The following PWP1 variants were observed in gnomAD, a reference collection of about 807,000 sequenced individuals.
The protein encoded by PWP1 is periodic tryptophan protein 1 homolog.
PWP1 carries 47 observed loss-of-function variants against 69.9 expected under a neutral mutation model. The observed-to-expected ratio is 0.67, with a 90% confidence interval of 0.53 to 0.86. The LOEUF is 0.86. PWP1 is among the 40% of genes least tolerant of loss of function. The pLI is 0.00. For missense variants in PWP1, 551 were observed against 608.8 expected, an observed-to-expected ratio of 0.91 and a Z score of 1.00; for synonymous variants, 222 against 208.2, an observed-to-expected ratio of 1.07 and a Z score of -0.57.
Position 107,712,285 on chromosome 12 carries a change from C to A in PWP1, c.*65C>A. ...TTTAAAAAGTTGGCCTAAAAATGTT[C>A]CATGCGTGGCAGCAACCATGCAGAG... is the stretch of plus-strand genomic sequence containing the variant. On this transcript the variant is annotated 3_prime_UTR_variant, in exon 15 of 15. Coordinates refer to ENST00000412830, the MANE Select transcript of PWP1 (RefSeq NM_007062.3). 8.1e-7 allele frequency: 1 copy of A among 1,228,158 alleles called. No homozygotes were observed. Among genetic ancestry groups the A allele is most frequent in the Non-Finnish European group, 1.2e-6 (1 of 834,326 alleles). 76.1% of individuals were successfully genotyped at this position (1,228,158 alleles called of 1,614,324 possible).
chr12:107,696,266 C>G lies in PWP1; in HGVS notation c.503-208C>G, dbSNP rs556567319. Among the ~76,000 whole-genome samples, 5 of 152,208 alleles carry G rather than the reference C, an allele frequency of 3.3e-5. 1 individual carries two copies. The highest frequency in any genetic ancestry group is 2.1e-4 in the South Asian group (1 of 4,816). The stretch of plus-strand genomic sequence containing the variant: ...CAGGCTGGTCTCGAACTCCTGACCT[C>G]AAGTGATCCGCCCACCTTGGCCTCC... On this transcript the variant is annotated intron_variant, in intron 5 of 14. Transcript: ENST00000412830.
intron 8 of PWP1, among the ~76,000 whole-genome samples, chr12:107,699,942 G>T (rs1889672451): frequency 6.6e-6 from 1 of 152,172 alleles, no homozygotes; most frequent in Non-Finnish European, 1.5e-5. Context: ...TATGGCTGGG[G>T]AGGCCTCACA....
At chr12:107,710,953 A>G (rs1241878913) in intron 14 of PWP1, among the ~76,000 whole-genome samples, 1 of 152,172 alleles carries the variant, frequency 6.6e-6, no homozygotes, top group Non-Finnish European at 1.5e-5. Context: ...ACCCTAACCC[A>G]GTGGCGCTAG....
chr12:107,686,037 G>A lies in PWP1; in HGVS notation c.72+66G>A, dbSNP rs192464213. ...TACGGCACTGGGGGTCCGCCCAGCT[G>A]GGGGAACGTGGACCCGGAACTCGGG... On this transcript the variant is annotated intron_variant, in intron 1 of 14. Coordinates refer to ENST00000412830, the MANE Select transcript of PWP1 (RefSeq NM_007062.3). 141 of 1,552,294 alleles carry A rather than the reference G, an allele frequency of 9.1e-5. 1 individual carries two copies. The East Asian group carries it at 3.2e-3, about 35-fold the overall frequency.
intron 11 of PWP1, among the ~76,000 whole-genome samples, chr12:107,708,169 C>T (rs1215993098): frequency 2.0e-5 from 3 of 152,104 alleles, no homozygotes; most frequent in Admixed American, 6.6e-5. Context: ...AGATTATTTG[C>T]TAACAAATGG....
Position 107,696,525 on chromosome 12 carries a change from C to T in PWP1, c.554C>T (p.Ser185Phe). ...TATGTACACCATGATATACTCTTGT[C>T]TGCATATCCTCTGAGTGTGGAATGG... ...SFYVHHDILL[S>F]AYPLSVEWLN... Residue 185 changes from serine to phenylalanine, a missense_variant, in exon 6 of 15, where the codon TCT (serine) becomes TTT (phenylalanine). Physicochemically the swap from Ser to Phe is radical, Grantham distance 155 (BLOSUM62 -2). Coordinates refer to ENST00000412830, the MANE Select transcript of PWP1 (RefSeq NM_007062.3). The T allele has an allele frequency of 6.2e-7, 1 of 1,614,102 alleles. No individual in the cohort carries two copies. Among genetic ancestry groups the T allele is most frequent in the Non-Finnish European group, 8.5e-7 (1 of 1,179,998 alleles).
At chr12:107,691,201 G>C (rs966570004) in intron 3 of PWP1, among the ~76,000 whole-genome samples, 1 of 152,212 alleles carries the variant, frequency 6.6e-6, no homozygotes, top group Non-Finnish European at 1.5e-5. Context: ...TATTGAGCTT[G>C]ACCTGATGTA....
At position 107,701,666 on chromosome 12, in the gene PWP1, T is replaced by C. The variant is rs142551881; in HGVS notation, c.807-1269T>C. ...TTCTTTTTCATGAGGATGATTCATT[T>C]GTCCCTGAACCATTTGTTTTTGTTT... is the stretch of plus-strand genomic sequence containing the variant. On this transcript the variant is annotated intron_variant, in intron 8 of 14. Transcript: ENST00000412830. 3.2e-3 allele frequency among the ~76,000 whole-genome samples: 490 copies of C among 152,190 alleles called. 2 individuals are homozygous for C. Among genetic ancestry groups the C allele is most frequent in the Non-Finnish European group, 5.7e-3 (390 of 67,992 alleles).
chr12:107,690,327 C>G (rs1306255345), intron 3 of PWP1, among the ~76,000 whole-genome samples: 2 of 152,252 alleles, frequency 1.3e-5, no homozygotes, highest in African/African-American at 4.8e-5. Context: ...CTGCAGTGAA[C>G]TATGATCACA....
At chr12:107,705,492 G>T (rs1022224964) in intron 11 of PWP1, among the ~76,000 whole-genome samples, 40 of 150,880 alleles carry the variant, frequency 2.7e-4, no homozygotes, top group Non-Finnish European at 5.6e-4. Flanking sequence ...TTTACATTAG[G>T]TATATCTCCT....
chr12:107,708,902 T>C, intron 11 of PWP1, 24 bp from the exon 12 acceptor site: 1 of 1,602,870 alleles, frequency 6.2e-7, no homozygotes, highest in African/African-American at 1.3e-5. Context: ...TAGCATGACC[T>C]TGCCCATCTT....
chr12:107,709,465 G>GTAAGGCTGGGGAGAGGGTTTTCTAGGACA (rs1395319668), intron 13 of PWP1, among the ~76,000 whole-genome samples: 1 of 151,192 alleles, frequency 6.6e-6, no homozygotes, highest in African/African-American at 2.4e-5. Context: ...CAGTTGCTTG[G>GTAAGGCTGGGGAGAGGGTTTTCTAGGACA]TAAGGCTGGG....
intron 11 of PWP1, among the ~76,000 whole-genome samples, chr12:107,707,333 C>T (rs1284668001): frequency 1.3e-5 from 2 of 152,146 alleles, no homozygotes; most frequent in Non-Finnish European, 2.9e-5. Flanking sequence ...ACAATCATGT[C>T]ATCTGCAAAC....
intron 11 of PWP1, among the ~76,000 whole-genome samples, chr12:107,707,094 TCTC>T (rs761728274): frequency 0.067 from 10,256 of 152,150 alleles, 396 homozygotes; most frequent in South Asian, 0.1. Context: ...GGTTTGTAGT[TCTC>T]CTTGAAGAGG....
chr12:107,709,178 C>G lies in PWP1; in HGVS notation c.1236C>G (p.Ile412Met), dbSNP rs1889891430. The G allele has an allele frequency of 6.2e-7, 1 of 1,613,898 alleles. No homozygotes were observed. The highest frequency in any genetic ancestry group is 8.5e-7 in the Non-Finnish European group (1 of 1,179,826). The change falls in exon 13 of 15, where the codon ATC (isoleucine) becomes ATG (methionine). Residue 412 changes from isoleucine to methionine, a missense_variant. By Grantham distance (10) the Ile-to-Met change is conservative. Coordinates refer to ENST00000412830, the MANE Select transcript of PWP1 (RefSeq NM_007062.3). ...VTASADKYVK[I>M]WDILGDRPSL... The stretch of plus-strand genomic sequence containing the variant: ...CTTCAGCTGACAAATACGTGAAGAT[C>G]TGGGACATCTTAGGAGATAGGCCAA...
intron 14 of PWP1, 50 bp from the exon 15 acceptor site, chr12:107,712,061 G>T: frequency 1.4e-6 from 2 of 1,476,048 alleles, no homozygotes; most frequent in South Asian, 2.3e-5. Flanking sequence ...TTTATATTCT[G>T]ACTTAATTTC....
intron 11 of PWP1, 100 bp from the exon 12 acceptor site, chr12:107,708,826 C>CAGTA: frequency 9.4e-7 from 1 of 1,066,950 alleles, no homozygotes; most frequent in Non-Finnish European, 1.4e-6. Flanking sequence ...TAAGTTCCAC[C>CAGTA]AGTAAGTCAT....
chr12:107,692,858 G>A lies in PWP1; in HGVS notation c.364G>A (p.Gly122Arg), dbSNP rs146531497. 64 of 1,613,782 alleles carry A rather than the reference G, an allele frequency of 4.0e-5. No individual in the cohort carries two copies. Among genetic ancestry groups the A allele is most frequent in the African/African-American group, 5.3e-5 (4 of 74,894 alleles). Residue 122 changes from glycine to arginine, a missense_variant, in exon 4 of 15, where the codon GGG (glycine) becomes AGG (arginine). Coordinates refer to ENST00000412830, the MANE Select transcript of PWP1 (RefSeq NM_007062.3). ...GESLLGLTVY[G>R]SNDQDPYVTL... is the part of the protein sequence containing the mutation. ...ATCTCTCTTGGGTCTTACGGTCTAC[G>A]GGAGTAATGATCAAGATCCTTACGT...
Position 107,688,380 on chromosome 12 carries a change from A to G in PWP1, c.73-68A>G, listed in dbSNP as rs1209916215. The G allele has an allele frequency of 5.6e-6, 8 of 1,429,176 alleles. No individual in the cohort carries two copies. In the Admixed American group the frequency reaches 9.2e-5, roughly 16 times the overall value. The allele number at this position is 1,429,176 out of a possible 1,614,324, so 88.5% of individuals were successfully genotyped here. Reference sequence around the variant, plus strand: ...TACATTTTACATTTGTTTGCAAACTACTTTTTAATTCAAATAATTTGATGA... The same window carrying G: ...TACATTTTACATTTGTTTGCAAACTGCTTTTTAATTCAAATAATTTGATGA... On this transcript the variant is annotated intron_variant, in intron 1 of 14. Coordinates refer to ENST00000412830, the MANE Select transcript of PWP1 (RefSeq NM_007062.3).
Sources: allele counts gnomAD v4.1 joint callset (sites outside exome capture counted in the v4.1 genomes callset), GRCh38; gene constraint gnomAD v4.1.1; transcripts MANE v1.5; gene names NCBI Gene and HGNC (gene_info 2026-07-23, HGNC 2026-07-21).